NBAS: variants seen among roughly 807,000 people sequenced by gnomAD.
NBAS encodes the protein NAG/BC035112 fusion.
Under a neutral mutation model 302.5 loss-of-function variants are expected in NBAS, and 219 were observed. That is an observed-to-expected ratio of 0.72 (90% CI 0.65 to 0.81). The LOEUF (loss-of-function observed/expected upper bound fraction) is 0.81, where lower values mean the gene tolerates loss of function less well. Among genes scored for constraint, NBAS ranks in the 30% least tolerant of loss-of-function variants. The pLI is 0.00. For missense variants in NBAS, 2,932 were observed against 2,841.6 expected (o/e 1.03, Z -0.72); for synonymous variants, 1,118 against 1,021.6 (o/e 1.09, Z -1.80).
At chr2:15,141,692 T>C in the NBAS span, among the ~76,000 whole-genome samples, 1 of 152,114 alleles carries the variant, frequency 6.6e-6, no homozygotes, top group Non-Finnish European at 1.5e-5. Flanking sequence ...TTTGTTTTGT[T>C]TTGTTTTGTT....
At chr2:15,021,641 G>A in the NBAS span, among the ~76,000 whole-genome samples, 1 of 113,716 alleles carries the variant, frequency 8.8e-6, no homozygotes, top group African/African-American at 3.8e-5. Context: ...CCTGACTGAA[G>A]GGGCATGAAG....
chr2:15,120,790 G>A, the NBAS span, among the ~76,000 whole-genome samples: 3 of 152,228 alleles, frequency 2.0e-5, no homozygotes, highest in African/African-American at 7.2e-5. Flanking sequence ...AGATGTGTGG[G>A]CGAGAACACA....
In NBAS at chr2:15,488,940, G is replaced by A. The variant is rs762296756; in HGVS notation, c.1037C>T (p.Ala346Val). Reference protein sequence around the residue: ...IHFSGKLSIWAIPSLKQQGEW... With the variant: ...IHFSGKLSIWVIPSLKQQGEW... ...CCCTTGTTGCTTCAGAGATGGAATC[G>A]CCCAGATGCTCAGTTTCCCTGAGAA... Residue 346 changes from alanine (A) to valine (V), a missense_variant, in exon 12 of 52, where the codon GCG becomes GTG. Ala to Val is a moderately conservative substitution (Grantham distance 64, BLOSUM62 0). Transcript: ENST00000281513. The A allele has an allele frequency of 4.3e-5, 69 of 1,613,614 alleles. No homozygotes were observed. The highest frequency in any genetic ancestry group is 5.5e-5 in the South Asian group (5 of 91,070).
chr2:15,322,425 A>C (rs1040169828), intron 38 of NBAS, among the ~76,000 whole-genome samples: 2 of 152,046 alleles, frequency 1.3e-5, no homozygotes, highest in African/African-American at 4.8e-5. Context: ...TTTTAAAAAA[A>C]CAGAAATCTA....
chr2:15,529,336 C>T (rs1663106642), intron 9 of NBAS, among the ~76,000 whole-genome samples: 1 of 151,792 alleles, frequency 6.6e-6, no homozygotes, highest in South Asian at 2.1e-4. Context: ...CCTATCTCTC[C>T]AAAATCAACA....
the NBAS span, among the ~76,000 whole-genome samples, chr2:15,071,579 G>C: frequency 1.3e-5 from 2 of 150,004 alleles, no homozygotes; most frequent in Non-Finnish European, 3.0e-5. Context: ...AGCTGAGATC[G>C]TGCCACTGCA....
intron 31 of NBAS, among the ~76,000 whole-genome samples, chr2:15,370,644 C>T (rs1674438111): frequency 6.6e-6 from 1 of 152,158 alleles, no homozygotes; most frequent in South Asian, 2.1e-4. Flanking sequence ...GGATGTGAGA[C>T]ATGGAGTCAA....
chr2:15,539,201 T>A, intron 7 of NBAS, 22 bp downstream of exon 7: 1 of 1,614,102 alleles, frequency 6.2e-7, no homozygotes, highest in South Asian at 1.1e-5. Flanking sequence ...AACTATGTTT[T>A]CAATTTAAGC....
intron 27 of NBAS, among the ~76,000 whole-genome samples, chr2:15,395,930 A>G (rs552612283): frequency 6.6e-6 from 1 of 152,256 alleles, no homozygotes; most frequent in East Asian, 1.9e-4. Context: ...CCAGTGTTGC[A>G]TGAGGGTTCT....
At chr2:14,958,248 C>T in the NBAS span, among the ~76,000 whole-genome samples, 2 of 152,226 alleles carry the variant, frequency 1.3e-5, no homozygotes, top group African/African-American at 4.8e-5. Context: ...GCAGGAGACC[C>T]GGGTCCTGGC....
chr2:15,208,341 A>G (rs1558438332), intron 48 of NBAS, among the ~76,000 whole-genome samples: 2 of 152,184 alleles, frequency 1.3e-5, no homozygotes, highest in Non-Finnish European at 2.9e-5. Flanking sequence ...CCGTGATTCA[A>G]TTATCTTCCA....
At chr2:15,440,837 G>C (rs368792136) in intron 21 of NBAS, among the ~76,000 whole-genome samples, 26 of 150,508 alleles carry the variant, frequency 1.7e-4, no homozygotes, top group East Asian at 1.2e-3. Context: ...GAAAGCCAAG[G>C]CTGGAGAACT....
chr2:15,229,855 C>T (rs888294453), intron 47 of NBAS, among the ~76,000 whole-genome samples: 1 of 151,814 alleles, frequency 6.6e-6, no homozygotes, highest in Non-Finnish European at 1.5e-5. Context: ...AACCACAAAA[C>T]CACATATTTG....
chr2:15,147,319 C>A, the NBAS span, among the ~76,000 whole-genome samples: 1 of 152,022 alleles, frequency 6.6e-6, no homozygotes, highest in African/African-American at 2.4e-5. Context: ...CTGGGCTGGG[C>A]GTGGTGGCTC....
chr2:15,196,951 G>T (rs969033689), intron 48 of NBAS, among the ~76,000 whole-genome samples: 1 of 152,096 alleles, frequency 6.6e-6, no homozygotes, highest in African/African-American at 2.4e-5. Context: ...CTTTATAAAT[G>T]ATCAGTTATG....
the NBAS span, among the ~76,000 whole-genome samples, chr2:14,843,557 G>GACACACACACAC: frequency 4.4e-3 from 653 of 147,104 alleles, 11 homozygotes; most frequent in African/African-American, 0.014. Flanking sequence ...TACAGACACA[G>GACACACACACAC]ACACACACAC....
chr2:15,115,803 T>A, the NBAS span, among the ~76,000 whole-genome samples: 71,833 of 152,020 alleles, frequency 0.47, 19,995 homozygotes, highest in Non-Finnish European at 0.6. Context: ...TGAGTCACCA[T>A]GCCCAATCAT....
At chr2:15,535,345 C>T (rs1200334647) in intron 8 of NBAS, among the ~76,000 whole-genome samples, 1 of 151,912 alleles carries the variant, frequency 6.6e-6, no homozygotes, top group African/African-American at 2.4e-5. Flanking sequence ...CATGATGAAA[C>T]CCTGTGTCTA....
chr2:15,474,050 A>C lies in NBAS; in HGVS notation c.1599+17T>G, dbSNP rs750884004. 7 of 1,614,024 alleles carry C rather than the reference A, an allele frequency of 4.3e-6. No homozygotes were observed. Among genetic ancestry groups the C allele is most frequent in the Non-Finnish European group, 5.9e-6 (7 of 1,180,040 alleles). Reference sequence around the variant, plus strand: ...TTGATGACTTCAAACTTGGGTAGTAATATGCTACTCTCTCACCTTCCTCTG... The same window carrying C: ...TTGATGACTTCAAACTTGGGTAGTACTATGCTACTCTCTCACCTTCCTCTG... On this transcript the variant is annotated intron_variant, in intron 15 of 51. Transcript: ENST00000281513.
Sources: allele counts gnomAD v4.1 joint callset (sites outside exome capture counted in the v4.1 genomes callset), GRCh38; gene constraint gnomAD v4.1.1; transcripts MANE v1.5; gene names NCBI Gene and HGNC (gene_info 2026-07-23, HGNC 2026-07-21).